The following MYLK variants were observed in gnomAD, a reference collection of about 807,000 sequenced individuals.
MYLK encodes myosin light chain kinase.
MYLK carries 106 observed loss-of-function variants against 203.4 expected under a neutral mutation model. The observed-to-expected ratio is 0.52, with a 90% confidence interval of 0.45 to 0.61. MYLK has a LOEUF of 0.61. MYLK is among the 20% of genes least tolerant of loss of function. MYLK has a pLI of 0.00. For synonymous variants in MYLK, 867 were observed against 959.5 expected, an observed-to-expected ratio of 0.90 and a Z score of 1.78; for missense variants, 2,072 against 2,442.3, an observed-to-expected ratio of 0.85 and a Z score of 3.20.
intron 1 of MYLK, among the ~76,000 whole-genome samples, chr3:123,882,794 C>T (rs1343564121): frequency 6.6e-6 from 1 of 152,220 alleles, no homozygotes; most frequent in Non-Finnish European, 1.5e-5. Context: ...GGTAACCTCA[C>T]TCTGGGCAGG....
intron 6 of MYLK, among the ~76,000 whole-genome samples, chr3:123,739,689 T>C (rs1466142239): frequency 6.6e-6 from 1 of 152,216 alleles, no homozygotes; most frequent in Non-Finnish European, 1.5e-5. Context: ...CTTCTGACTA[T>C]TGCCTTGATT....
intron 23 of MYLK, among the ~76,000 whole-genome samples, chr3:123,660,109 C>T (rs1430141485): frequency 6.6e-6 from 1 of 152,166 alleles, no homozygotes; most frequent in African/African-American, 2.4e-5. Context: ...CCTGGATAAT[C>T]CTAGCCCTTG....
At chr3:123,868,951 T>C (rs1288951568) in intron 2 of MYLK, among the ~76,000 whole-genome samples, 1 of 152,238 alleles carries the variant, frequency 6.6e-6, no homozygotes, top group Non-Finnish European at 1.5e-5. Context: ...GTTTCAATAC[T>C]GTTTTCAGGT....
intron 4 of MYLK, among the ~76,000 whole-genome samples, chr3:123,791,425 C>T (rs1033281855): frequency 6.6e-6 from 1 of 152,228 alleles, no homozygotes; most frequent in African/African-American, 2.4e-5. Context: ...TGGCCCTTCC[C>T]TGATGCAAAA....
chr3:123,615,093 G>A (rs1462671461), intron 33 of MYLK, among the ~76,000 whole-genome samples: 2 of 151,632 alleles, frequency 1.3e-5, no homozygotes, highest in East Asian at 4.0e-4. Context: ...GGGATTACAG[G>A]TGTGAGCCAC....
At chr3:123,864,012 A>G (rs2032133538) in intron 2 of MYLK, among the ~76,000 whole-genome samples, 1 of 152,250 alleles carries the variant, frequency 6.6e-6, no homozygotes, top group Non-Finnish European at 1.5e-5. Context: ...AATACTCTTT[A>G]GCAATTAAAA....
chr3:123,712,021 T>G (rs1416977896), intron 13 of MYLK, among the ~76,000 whole-genome samples: 7 of 152,190 alleles, frequency 4.6e-5, no homozygotes, highest in Non-Finnish European at 8.8e-5. Context: ...GGAGGAAAAC[T>G]TCCCCCAAAG....
chr3:123,747,770 G>A (rs1471155936), intron 5 of MYLK, among the ~76,000 whole-genome samples: 4 of 152,108 alleles, frequency 2.6e-5, no homozygotes, highest in African/African-American at 4.8e-5. Flanking sequence ...TCTCCTCTGG[G>A]GGCTGCCAGT....
At chr3:123,855,086 T>C (rs2031232248) in intron 2 of MYLK, among the ~76,000 whole-genome samples, 1 of 152,220 alleles carries the variant, frequency 6.6e-6, no homozygotes, top group South Asian at 2.1e-4. Context: ...TAACTTTTGT[T>C]TAGCTTTCAA....
At chr3:123,866,194 A>C (rs976769283) in intron 2 of MYLK, among the ~76,000 whole-genome samples, 1 of 152,158 alleles carries the variant, frequency 6.6e-6, no homozygotes, top group Non-Finnish European at 1.5e-5. Context: ...GTCTTATGCC[A>C]CTGTTTGGGA....
chr3:123,793,129 C>T (rs1299611407), intron 4 of MYLK, among the ~76,000 whole-genome samples: 2 of 152,146 alleles, frequency 1.3e-5, no homozygotes, highest in Non-Finnish European at 2.9e-5. Context: ...AAGGAATGAT[C>T]ATGCCTATTT....
chr3:123,736,921 C>G (rs1347623789), intron 8 of MYLK, among the ~76,000 whole-genome samples: 3 of 152,140 alleles, frequency 2.0e-5, no homozygotes, highest in Admixed American at 6.5e-5. Context: ...CCTGTTCACC[C>G]TTTCTTCTTG....
chr3:123,721,401 T>C (rs7621513), intron 13 of MYLK, among the ~76,000 whole-genome samples: 7,018 of 152,202 alleles, frequency 0.046, 544 homozygotes, highest in African/African-American at 0.16. Flanking sequence ...CAAGAAGCAC[T>C]TCCACGGGAA....
rs1475203428 is a variant in MYLK at position 123,640,252 on chromosome 3, C to T, written c.4837+35G>A. ...GAGAGGAAACGGCCAGTGCAATACA[C>T]ACTGGTGTCCATGGGAGAGGCAGAT... On this transcript the variant is annotated intron_variant, in intron 28 of 33. Transcript: ENST00000360304. This position sits in a 1 kb window ranked among gnomAD's most constrained non-coding sequence, Gnocchi z 4.3. 1.3e-6 allele frequency: 2 copies of T among 1,594,878 alleles called. No individual in the cohort carries two copies. Among genetic ancestry groups the T allele is most frequent in the Admixed American group, 3.3e-5 (2 of 59,986 alleles).
chr3:123,859,910 G>C (rs2148685587), intron 2 of MYLK, among the ~76,000 whole-genome samples: 1 of 149,482 alleles, frequency 6.7e-6, no homozygotes, highest in Middle Eastern at 3.4e-3. Flanking sequence ...AAAAAAAACA[G>C]ATACATATAT....
chr3:123,627,192 T>C (rs2058189011), intron 30 of MYLK, among the ~76,000 whole-genome samples: 1 of 152,180 alleles, frequency 6.6e-6, no homozygotes, highest in African/African-American at 2.4e-5. Flanking sequence ...GTGACTGGGC[T>C]CCATGGCCTG....
intron 4 of MYLK, 94 bp downstream of exon 4, chr3:123,793,583 A>G (rs1346574347): frequency 3.5e-6 from 5 of 1,437,550 alleles, no homozygotes; most frequent in East Asian, 4.6e-5. Flanking sequence ...TGAGCCTTCT[A>G]TTAGATCCAG....
chr3:123,880,669 T>G lies in MYLK; in HGVS notation c.-186+3537A>C, dbSNP rs139766145. Among the ~76,000 whole-genome samples the G allele has an allele frequency of 6.7e-4, 102 of 152,178 alleles. No individual in the cohort carries two copies. The East Asian group carries it at 6.8e-3, about 10-fold the overall frequency. On this transcript the variant is annotated intron_variant, in intron 1 of 33. Transcript: ENST00000360304. The stretch of plus-strand genomic sequence containing the variant: ...AACGTGGGAAATCTAAGAAGCTGGA[T>G]CTACACAAAAATTTCCACAGCTCCC...
intron 2 of MYLK, among the ~76,000 whole-genome samples, chr3:123,834,835 G>A (rs1187996104): frequency 2.0e-5 from 3 of 152,166 alleles, no homozygotes; most frequent in African/African-American, 7.2e-5. Context: ...GTGACCACAA[G>A]AATGTCTGCT....
Sources: gnomAD v4.1 joint callset for allele counts (sites outside exome capture counted in the v4.1 genomes callset) on GRCh38, gnomAD v4.1.1 for gene constraint, Gnocchi (gnomAD v3.1) non-coding constraint, MANE v1.5 for transcripts, NCBI Gene and HGNC (gene_info 2026-07-23, HGNC 2026-07-21) for gene names.